MRPS27: variants seen among roughly 807,000 people sequenced by gnomAD.
The protein encoded by MRPS27 is mitochondrial ribosomal protein S27, also known as small ribosomal subunit protein mS27.
Under a neutral mutation model 48.9 loss-of-function variants are expected in MRPS27, and 43 were observed. The observed-to-expected ratio is 0.88, with a 90% CI of 0.69 to 1.13. The LOEUF (loss-of-function observed/expected upper bound fraction) is 1.13. Ranked by LOEUF, MRPS27 falls within the 50% of genes most tolerant of loss-of-function variation. The pLI is 0.00. For synonymous variants in MRPS27, 188 were observed against 171.9 expected (o/e 1.09, Z -0.73); for missense variants, 467 against 476.3 (o/e 0.98, Z 0.18).
chr5:72,302,358 C>A (rs538789410), intron 2 of MRPS27, among the ~76,000 whole-genome samples: 1 of 152,086 alleles, frequency 6.6e-6, no homozygotes, highest in African/African-American at 2.4e-5. Context: ...CTCTAATTCC[C>A]TGGGTTTGAG....
Position 72,291,847 on chromosome 5 carries a change from C to T in MRPS27, c.281+3684G>A, listed in dbSNP as rs372179140. ...CCAGACCTATTCTTCCCCCAAGCCA[C>T]GCCCTAGAGGGCCTATAAGAAACTA... On this transcript the variant is annotated intron_variant, in intron 4 of 10. Transcript: ENST00000261413. 7.9e-5 allele frequency among the ~76,000 whole-genome samples: 12 copies of T among 152,306 alleles called. No individual in the cohort carries two copies. In the South Asian group the frequency reaches 1.9e-3, roughly 24 times the overall value.
In MRPS27 at chr5:72,220,885, C is replaced by G. The variant is rs558107345; in HGVS notation, c.*24G>C. Reference sequence around the variant, plus strand: ...GGGGTTGAGTGAAGTTCTTGTGAGACAGGTGGGGCCCTGGGGGACCCTATT... The same window carrying G: ...GGGGTTGAGTGAAGTTCTTGTGAGAGAGGTGGGGCCCTGGGGGACCCTATT... On this transcript the variant is annotated 3_prime_UTR_variant, in exon 11 of 11. Transcript: ENST00000261413. 3.1e-6 allele frequency: 5 copies of G among 1,612,722 alleles called. No homozygotes were observed. The highest frequency in any genetic ancestry group is 4.2e-6 in the Non-Finnish European group (5 of 1,179,348).
rs1156270578 is a variant in MRPS27, at chr5:72,219,522, C to T, written c.*1387G>A. On this transcript the variant is annotated 3_prime_UTR_variant, in exon 11 of 11. Coordinates refer to ENST00000261413, the MANE Select transcript of MRPS27 (RefSeq NM_015084.3). ...CCTTTCCCCAAAGATAAAGAGTACACTAACATGATCCCGGAACATTTATTT... is the reference window on the plus strand; with the variant it reads ...CCTTTCCCCAAAGATAAAGAGTACATTAACATGATCCCGGAACATTTATTT... 6.6e-6 allele frequency: 1 copy of T among 152,166 alleles called. No homozygotes were observed. Among genetic ancestry groups the T allele is most frequent in the Non-Finnish European group, 1.5e-5 (1 of 68,034 alleles). The allele number at this position is 152,166 out of a possible 1,614,324, so 9.4% of individuals were successfully genotyped here. A position where few individuals can be genotyped will look rare whatever the true frequency, so the allele number is the denominator to read the frequency against.
rs184664557 is a variant in MRPS27, at chr5:72,289,803, T to C, written c.281+5728A>G. The stretch of plus-strand genomic sequence containing the variant: ...TTATCCTTCAGGAATGACTGTTACG[T>C]TGCAGATCAAATTATCAGTTCTGAT... On this transcript the variant is annotated intron_variant, in intron 4 of 10. Coordinates refer to ENST00000261413, the MANE Select transcript of MRPS27 (RefSeq NM_015084.3). Among the ~76,000 whole-genome samples the C allele has an allele frequency of 2.0e-5, 3 of 152,318 alleles. No homozygotes were observed. The East Asian group carries it at 5.8e-4, about 29-fold the overall frequency.
rs2111925286 is a variant in MRPS27 at position 72,221,165 on chromosome 5, G to A, written c.1006-17C>T. On this transcript the variant is annotated splice_polypyrimidine_tract_variant and intron_variant, in intron 10 of 10. Coordinates refer to ENST00000261413, the MANE Select transcript of MRPS27 (RefSeq NM_015084.3). Reference sequence around the variant, plus strand: ...ATGTAAGGCCTGTTGGAAACAAATGGGAAAAATGAGAAGAAAGGTAGAGAA... The same window carrying A: ...ATGTAAGGCCTGTTGGAAACAAATGAGAAAAATGAGAAGAAAGGTAGAGAA... 6.2e-7 allele frequency: 1 copy of A among 1,609,882 alleles called. No individual in the cohort carries two copies.
chr5:72,307,383 G>A (rs1366437064), intron 2 of MRPS27, among the ~76,000 whole-genome samples: 1 of 151,970 alleles, frequency 6.6e-6, no homozygotes, highest in Non-Finnish European at 1.5e-5. Flanking sequence ...AGAGTATCAG[G>A]GATATCTGAA....
chr5:72,270,389 C>T (rs1741632812), intron 4 of MRPS27, among the ~76,000 whole-genome samples: 1 of 151,628 alleles, frequency 6.6e-6, no homozygotes, highest in South Asian at 2.1e-4. Flanking sequence ...CATGGAAGTA[C>T]AAATGACTCT....
At chr5:72,286,842 C>A (rs1028199690) in intron 4 of MRPS27, among the ~76,000 whole-genome samples, 6 of 152,074 alleles carry the variant, frequency 3.9e-5, no homozygotes, top group African/African-American at 1.4e-4. Context: ...ATGGTGATAC[C>A]AAAATAAAGC....
intron 4 of MRPS27, among the ~76,000 whole-genome samples, chr5:72,284,393 C>T (rs1749613459): frequency 6.6e-6 from 1 of 150,758 alleles, no homozygotes; most frequent in African/African-American, 2.4e-5. Context: ...CACTGCATGC[C>T]AGCCTGGGCA....
At chr5:72,273,965 T>C (rs1326467877) in intron 4 of MRPS27, among the ~76,000 whole-genome samples, 1 of 152,236 alleles carries the variant, frequency 6.6e-6, no homozygotes, top group African/African-American at 2.4e-5. Context: ...TACTGTACAG[T>C]TGCACAAAAA....
In MRPS27 at chr5:72,320,159, G is replaced by C. The variant is rs1292894086; in HGVS notation, c.63C>G (p.Leu21=). 1.2e-6 allele frequency: 2 copies of C among 1,613,966 alleles called. No individual in the cohort carries two copies. The highest frequency in any genetic ancestry group is 1.7e-5 in the Admixed American group (1 of 60,026). The part of the protein sequence containing the change: ...LLARQVVLPQ[L]SPAGKRYLLS... ...AGCTGTCCGGCCAACCTGCAGGAGAGAGCTGAGGAAGAACCACTTGCCGCG... is the reference window on the plus strand; with the variant it reads ...AGCTGTCCGGCCAACCTGCAGGAGACAGCTGAGGAAGAACCACTTGCCGCG... Residue 21 remains leucine, a synonymous_variant, in exon 1 of 11, where the codon CTC becomes CTG. Coordinates refer to ENST00000261413, the MANE Select transcript of MRPS27 (RefSeq NM_015084.3).
intron 4 of MRPS27, chr5:72,241,727 CA>C (rs1264520313): frequency 6.5e-7 from 1 of 1,529,588 alleles, no homozygotes; most frequent in Non-Finnish European, 8.8e-7. Context: ...ATACAACTAA[CA>C]CATTGATTTT....
chr5:72,279,069 A>C (rs1264174012), intron 4 of MRPS27, among the ~76,000 whole-genome samples: 1 of 152,088 alleles, frequency 6.6e-6, no homozygotes, highest in Admixed American at 6.5e-5. Flanking sequence ...TTGCCAAACT[A>C]CTCTTCAAGG....
chr5:72,274,269 G>A (rs1349754681), intron 4 of MRPS27, among the ~76,000 whole-genome samples: 1 of 152,146 alleles, frequency 6.6e-6, no homozygotes, highest in Non-Finnish European at 1.5e-5. Context: ...CAGGAGAATC[G>A]CTTGAACCCA....
At chr5:72,304,244 A>G (rs1258165228) in intron 2 of MRPS27, among the ~76,000 whole-genome samples, 2 of 152,108 alleles carry the variant, frequency 1.3e-5, no homozygotes, top group Non-Finnish European at 2.9e-5. Flanking sequence ...AAAAAAACGT[A>G]AAAAACAAAA....
chr5:72,255,033 T>TC (rs970799990), intron 4 of MRPS27, among the ~76,000 whole-genome samples: 5 of 118,190 alleles, frequency 4.2e-5, no homozygotes, highest in African/African-American at 2.2e-4. Context: ...TCTTTTCTTT[T>TC]TTTTTTTTTT....
chr5:72,285,568 T>C (rs573039213), intron 4 of MRPS27, among the ~76,000 whole-genome samples: 1 of 152,282 alleles, frequency 6.6e-6, no homozygotes, highest in Admixed American at 6.5e-5. Context: ...AGTGGCTCGA[T>C]CATAGCTCAT....
At chr5:72,224,598 A>C (rs1173597309) in intron 9 of MRPS27, among the ~76,000 whole-genome samples, 2 of 152,184 alleles carry the variant, frequency 1.3e-5, no homozygotes, top group African/African-American at 4.8e-5. Flanking sequence ...GTGTATGTTA[A>C]AGCCTCTGGA....
chr5:72,273,778 G>A (rs1749305976), intron 4 of MRPS27, among the ~76,000 whole-genome samples: 1 of 152,154 alleles, frequency 6.6e-6, no homozygotes, highest in African/African-American at 2.4e-5. Context: ...TGAAGATCTA[G>A]GACATTACGC....
Sources: gnomAD v4.1 joint callset for allele counts (sites outside exome capture counted in the v4.1 genomes callset) on GRCh38, gnomAD v4.1.1 for gene constraint, MANE v1.5 for transcripts, NCBI Gene and HGNC (gene_info 2026-07-23, HGNC 2026-07-21) for gene names.